Variants in LRRC37A2 observed in about 807,000 individuals in gnomAD.
LRRC37A2 encodes the protein leucine rich repeat containing 37 member A2.
A neutral mutation model predicts 68.8 loss-of-function variants in LRRC37A2; 9 were observed. The ratio of observed to expected loss-of-function variants is 0.13; its 90% CI spans 0.08 to 0.23. The LOEUF (loss-of-function observed/expected upper bound fraction) is 0.23, where lower values mean the gene tolerates loss of function less well. Among genes scored for constraint, LRRC37A2 ranks in the 10% least tolerant of loss-of-function variants. The probability of loss-of-function intolerance (pLI) is 1.00; values close to 1 mark genes in which losing one functional copy is unlikely to be tolerated. For missense variants in LRRC37A2, 168 were observed against 950.4 expected (o/e 0.18, Z 10.82); for synonymous variants, 63 against 367.6 (o/e 0.17, Z 9.48).
chr17:47,020,731 A>G, the LRRC37A2 span, among the ~76,000 whole-genome samples: 36 of 134,188 alleles, frequency 2.7e-4, no homozygotes, highest in Middle Eastern at 4.2e-3. Context: ...GCAGTGAGCC[A>G]AGATTGCACC....
At chr17:46,941,042 C>G in the LRRC37A2 span, 41 of 1,086,994 alleles carry the variant, frequency 3.8e-5, no homozygotes, top group Admixed American at 9.2e-5. Flanking sequence ...CGAGCTGATG[C>G]AAGAAACTCC....
At chr17:46,875,303 CAAG>C in the LRRC37A2 span, 1 of 1,613,902 alleles carries the variant, frequency 6.2e-7, no homozygotes, top group Non-Finnish European at 8.5e-7. Flanking sequence ...TCCTGGGGTC[CAAG>C]AGAGGAAACA....
chr17:46,551,498 T>C (rs62073254), intron 11 of LRRC37A2, among the ~76,000 whole-genome samples: 68,162 of 137,420 alleles, frequency 0.5, 17,564 homozygotes, highest in South Asian at 0.67. Context: ...GTCTGTGTGT[T>C]TGTCCATCTA....
the LRRC37A2 span, among the ~76,000 whole-genome samples, chr17:47,004,338 T>A: frequency 6.6e-6 from 1 of 152,180 alleles, no homozygotes; most frequent in Admixed American, 6.5e-5. Flanking sequence ...TTTTTAAAGG[T>A]ATGTTTGTAT....
the LRRC37A2 span, chr17:46,922,840 A>T: frequency 2.7e-6 from 1 of 364,526 alleles, no homozygotes; most frequent in Non-Finnish European, 5.1e-6. Flanking sequence ...AGAGAACAGC[A>T]GATGATAGCG....
chr17:46,872,395 A>G, the LRRC37A2 span: 48 of 1,350,812 alleles, frequency 3.6e-5, no homozygotes, highest in Admixed American at 7.4e-4. Context: ...CGGGACCTCC[A>G]GCGGGTCAGC....
the LRRC37A2 span, among the ~76,000 whole-genome samples, chr17:46,784,090 G>A: frequency 2.0e-5 from 3 of 152,122 alleles, no homozygotes; most frequent in Non-Finnish European, 2.9e-5. Context: ...CTGGGTCACC[G>A]GGGTCTGTGG....
chr17:46,870,493 C>G, the LRRC37A2 span, among the ~76,000 whole-genome samples: 1 of 152,226 alleles, frequency 6.6e-6, no homozygotes, highest in East Asian at 1.9e-4. Flanking sequence ...TGCCCTCACC[C>G]TGTCTGGGAG....
the LRRC37A2 span, among the ~76,000 whole-genome samples, chr17:46,799,313 T>A: frequency 6.6e-6 from 1 of 152,190 alleles, no homozygotes; most frequent in Non-Finnish European, 1.5e-5. Flanking sequence ...CTTTTCTGTT[T>A]TGGAAGGAAT....
At chr17:46,779,110 C>T in the LRRC37A2 span, among the ~76,000 whole-genome samples, 1 of 150,516 alleles carries the variant, frequency 6.6e-6, no homozygotes, top group Admixed American at 6.7e-5. Context: ...CACACCCCAG[C>T]CCACTCGGCC....
chr17:46,833,757 A>G, the LRRC37A2 span, among the ~76,000 whole-genome samples: 3 of 152,192 alleles, frequency 2.0e-5, no homozygotes, highest in Non-Finnish European at 4.4e-5. Context: ...TGCCCGGGGA[A>G]GAAGTGAGCC....
At chr17:46,529,250 T>C (rs984096804) in intron 6 of LRRC37A2, among the ~76,000 whole-genome samples, 3 of 114,816 alleles carry the variant, frequency 2.6e-5, no homozygotes, top group East Asian at 2.1e-4. Context: ...ACCTTTATTC[T>C]GTCCCATTGT....
At chr17:46,982,380 A>G in the LRRC37A2 span, among the ~76,000 whole-genome samples, 1 of 152,338 alleles carries the variant, frequency 6.6e-6, no homozygotes, top group Admixed American at 6.5e-5. Flanking sequence ...GTGAGGATGC[A>G]GAATGGGGCC....
chr17:46,906,138 C>T, the LRRC37A2 span, among the ~76,000 whole-genome samples: 1 of 152,178 alleles, frequency 6.6e-6, no homozygotes, highest in Non-Finnish European at 1.5e-5. Context: ...AGCCCAGCCC[C>T]CACTCCTGAG....
At position 46,548,920 on chromosome 17, in the gene LRRC37A2, C is replaced by T. The variant is rs1461133578; in HGVS notation, c.3781C>T (p.Pro1261Ser). 2.5e-6 allele frequency: 4 copies of T among 1,612,538 alleles called. 1 individual carries two copies. The highest frequency in any genetic ancestry group is 4.5e-5 in the East Asian group (2 of 44,722). Residue 1261 changes from proline (P) to serine (S), a missense_variant, in exon 10 of 15, where the codon CCT becomes TCT. By Grantham distance (74) the Pro-to-Ser change is moderately conservative. Coordinates refer to ENST00000576629, the Ensembl canonical transcript of LRRC37A2. ...CAAGGGCGCGCCTTCTACCTCCAGC[C>T]CTGCAAAAGCCCTACCACAGGTGAG... is the stretch of plus-strand genomic sequence containing the variant.
chr17:47,030,054 C>A, the LRRC37A2 span, among the ~76,000 whole-genome samples: 1 of 143,722 alleles, frequency 7.0e-6, no homozygotes. Context: ...CAGAGTGAGA[C>A]TCTGTCTCAA....
exon 10 of LRRC37A2, chr17:46,548,706 G>C (rs746784908): frequency 6.2e-7 from 1 of 1,609,262 alleles, no homozygotes; most frequent in African/African-American, 1.4e-5. Flanking sequence ...GCATCAGGAG[G>C]GAACAGGGTG....
chr17:46,757,100 G>A, the LRRC37A2 span: 2 of 152,220 alleles, frequency 1.3e-5, no homozygotes, highest in Non-Finnish European at 2.9e-5. Context: ...TGGCACTTGG[G>A]TGTGGCTCCT....
At chr17:46,615,656 G>A in the LRRC37A2 span, among the ~76,000 whole-genome samples, 2 of 32,158 alleles carry the variant, frequency 6.2e-5, no homozygotes, top group African/African-American at 3.7e-4. Flanking sequence ...AGCAAAGGTT[G>A]CAGTGTGCTG....
Sources: allele counts gnomAD v4.1 joint callset (sites outside exome capture counted in the v4.1 genomes callset), GRCh38; gene constraint gnomAD v4.1.1; transcripts MANE v1.5; gene names NCBI Gene and HGNC (gene_info 2026-07-23, HGNC 2026-07-21).